The following MOK variants were observed in gnomAD, a reference collection of about 807,000 sequenced individuals.
The protein encoded by MOK is MOK protein kinase, also known as MAPK/MAK/MRK overlapping kinase.
In MOK, 59 loss-of-function variants were observed where a neutral mutation model predicts 54.2. The observed-to-expected ratio is 1.09, with a 90% confidence interval of 0.88 to 1.35. The LOEUF (loss-of-function observed/expected upper bound fraction) is 1.35. MOK is among the 40% of genes most tolerant of loss of function. The pLI is 0.00. For missense variants in MOK, 517 were observed against 526.2 expected (o/e 0.98, Z 0.17); for synonymous variants, 210 against 202.7 (o/e 1.04, Z -0.31).
chr14:102,280,637 A>G (rs993923885), intron 2 of MOK: 1 of 152,252 alleles, frequency 6.6e-6, no homozygotes, highest in East Asian at 1.9e-4. Context: ...CACATTTGCC[A>G]TGTGTCCCAC....
chr14:102,250,298 A>G (rs932785885), intron 7 of MOK, among the ~76,000 whole-genome samples: 1 of 151,764 alleles, frequency 6.6e-6, no homozygotes. Flanking sequence ...TTCACCTCGG[A>G]GTGGGACCGG....
Position 102,231,568 on chromosome 14 carries a change from ATGCT to A in MOK, c.981+135_981+138del. On this transcript the variant is annotated intron_variant, in intron 10 of 11. Coordinates refer to ENST00000361847, the MANE Select transcript of MOK (RefSeq NM_014226.3). This position sits in a 1 kb window ranked among gnomAD's most constrained non-coding sequence, Gnocchi z 4.4. ...CCAACACATGGAGCCATCAACTCGC[ATGCT>A]GTTCAGGCCTCGACTGACAATGTGG... is the stretch of plus-strand genomic sequence containing the variant. 1.5e-6 allele frequency: 1 copy of A among 687,886 alleles called. No homozygotes were observed. 42.6% of individuals were successfully genotyped at this position (687,886 alleles called of 1,614,324 possible).
Position 102,238,775 on chromosome 14 carries a change from C to T in MOK, c.591-4986G>A, listed in dbSNP as rs972563425. Among the ~76,000 whole-genome samples the T allele has an allele frequency of 7.9e-5, 12 of 152,254 alleles. No individual in the cohort carries two copies. The highest frequency in any genetic ancestry group is 1.5e-4 in the Non-Finnish European group (10 of 68,020). ...TGCATGTCCCCTATATCTCCTCCTCCGCCCATATTTCTTCTCCCCTCACCT... is the reference window on the plus strand; with the variant it reads ...TGCATGTCCCCTATATCTCCTCCTCTGCCCATATTTCTTCTCCCCTCACCT... On this transcript the variant is annotated intron_variant, in intron 7 of 11. Coordinates refer to ENST00000361847, the MANE Select transcript of MOK (RefSeq NM_014226.3). This position sits in a 1 kb window ranked among gnomAD's most constrained non-coding sequence, Gnocchi z 4.8.
chr14:102,274,868 A>G (rs1005416543), intron 2 of MOK, among the ~76,000 whole-genome samples: 3 of 150,902 alleles, frequency 2.0e-5, no homozygotes, highest in Non-Finnish European at 3.0e-5. Context: ...CCAGCTACTC[A>G]GGAGGCTGAG....
chr14:102,255,989 G>A (rs2153116959), intron 4 of MOK, among the ~76,000 whole-genome samples: 1 of 152,330 alleles, frequency 6.6e-6, no homozygotes, highest in South Asian at 2.1e-4. Flanking sequence ...ACTAACTGAA[G>A]GAATACAGCT....
Position 102,229,349 on chromosome 14 carries a change from G to T in MOK, c.1200C>A (p.Asp400Glu), listed in dbSNP as rs755989264. The change falls in exon 12 of 12, where the codon GAC becomes GAA. Residue 400 changes from aspartate to glutamate, a missense_variant. Transcript: ENST00000361847. ...GACACTGCTGCGGGGCAGGCTTAAG[G>T]TCCTTCTGCGGATCTGTCTGTCAAA... is the stretch of plus-strand genomic sequence containing the variant. ...PASKKTDPQK[D>E]LKPAPQQCRL... The T allele has an allele frequency of 2.5e-6, 4 of 1,614,200 alleles. No individual in the cohort carries two copies.
chr14:102,271,022 T>C (rs2068309426), intron 2 of MOK, among the ~76,000 whole-genome samples: 1 of 152,006 alleles, frequency 6.6e-6, no homozygotes, highest in African/African-American at 2.4e-5. Flanking sequence ...TGAAACCCCA[T>C]CTCTACTAAA....
At chr14:102,243,575 T>C (rs2065875072) in intron 7 of MOK, among the ~76,000 whole-genome samples, 1 of 152,194 alleles carries the variant, frequency 6.6e-6, no homozygotes, top group East Asian at 1.9e-4. Flanking sequence ...AAATCTATTT[T>C]CTTCCTCACA....
chr14:102,270,488 C>G (rs1398755645), intron 2 of MOK, among the ~76,000 whole-genome samples: 1 of 152,034 alleles, frequency 6.6e-6, no homozygotes, highest in Non-Finnish European at 1.5e-5. Flanking sequence ...GTAATTCCAG[C>G]TCCTCAGGAG....
At position 102,260,176 on chromosome 14, in the gene MOK, CA is replaced by C. The variant is rs770385409; in HGVS notation, c.283+3369del. 5.5e-3 allele frequency among the ~76,000 whole-genome samples: 416 copies of C among 76,266 alleles called. 1 individual carries two copies. Among genetic ancestry groups the C allele is most frequent in the Non-Finnish European group, 6.7e-3 (238 of 35,730 alleles). 50.0% of individuals were successfully genotyped at this position (76,266 alleles called of 152,430 possible). A position where few individuals can be genotyped will look rare whatever the true frequency, so the allele number is the denominator to read the frequency against. Reference sequence around the variant, plus strand: ...GGGCAAAAAGAGCAAAACTCCATCTCAAAAAAAAAAAAAAAAAAACTTAGCT... The same window carrying C: ...GGGCAAAAAGAGCAAAACTCCATCTCAAAAAAAAAAAAAAAAAACTTAGCT... On this transcript the variant is annotated intron_variant, in intron 4 of 11. Coordinates refer to ENST00000361847, the MANE Select transcript of MOK (RefSeq NM_014226.3).
chr14:102,230,757 TGAAG>T lies in MOK; in HGVS notation c.981+946_981+949del, dbSNP rs2064610967. 1 of 152,564 alleles carries T rather than the reference TGAAG, an allele frequency of 6.6e-6. No homozygotes were observed. The highest frequency in any genetic ancestry group is 6.5e-5 in the Admixed American group (1 of 15,292). The allele number at this position is 152,564 out of a possible 1,614,324, so 9.5% of individuals were successfully genotyped here. On this transcript the variant is annotated intron_variant, in intron 10 of 11. Transcript: ENST00000361847. The surrounding 1 kb of genome is among the most constrained non-coding windows in gnomAD (Gnocchi z 4.1). Reference sequence around the variant, plus strand: ...GCAAGAAGGCGAAGCCCCTGTGGGATGAAGGAAGGGTCCACGGGGGGCCTGGGCA... The same window carrying T: ...GCAAGAAGGCGAAGCCCCTGTGGGATGAAGGGTCCACGGGGGGCCTGGGCA...
chr14:102,261,396 AAAAAAAAAAAAAAAAAAAAAAAATAT>A (rs2067389350), intron 4 of MOK, among the ~76,000 whole-genome samples: 1 of 66,390 alleles, frequency 1.5e-5, no homozygotes, highest in Non-Finnish European at 2.8e-5. Context: ...AAAAAAAAAA[AAAAAAAAAAAAAAAAAAAAAAAATAT>A]ATATATATAT....
At chr14:102,247,764 TA>T (rs1284904776) in intron 7 of MOK, among the ~76,000 whole-genome samples, 1 of 152,218 alleles carries the variant, frequency 6.6e-6, no homozygotes, top group African/African-American at 2.4e-5. Context: ...GCTTTTATCG[TA>T]ACCAATCTGG....
chr14:102,243,536 C>T (rs764745679), intron 7 of MOK, among the ~76,000 whole-genome samples: 66 of 152,186 alleles, frequency 4.3e-4, no homozygotes, highest in Non-Finnish European at 5.7e-4. Context: ...CTATGCTCAA[C>T]TCACTCTCTA....
chr14:102,226,879 C>T (rs1325066930), downstream of MOK, among the ~76,000 whole-genome samples: 3 of 152,204 alleles, frequency 2.0e-5, no homozygotes, highest in African/African-American at 4.8e-5. The surrounding 1 kb of genome is among the most constrained non-coding windows in gnomAD (Gnocchi z 4.8). Context: ...CCCTGCTCAC[C>T]TCCAGCCTGG....
chr14:102,268,831 C>G (rs981868340), intron 2 of MOK, among the ~76,000 whole-genome samples: 1 of 151,210 alleles, frequency 6.6e-6, no homozygotes, highest in Admixed American at 6.6e-5. Flanking sequence ...AGGAGAATGG[C>G]GTAAACCTGG....
At chr14:102,243,817 T>C (rs1359013690) in intron 7 of MOK, among the ~76,000 whole-genome samples, 8 of 152,252 alleles carry the variant, frequency 5.3e-5, no homozygotes, top group African/African-American at 1.7e-4. Context: ...GGTTTATCCA[T>C]GGCAGTTCCA....
intron 2 of MOK, among the ~76,000 whole-genome samples, chr14:102,281,763 G>C (rs2069466834): frequency 6.6e-6 from 1 of 151,960 alleles, no homozygotes; most frequent in Non-Finnish European, 1.5e-5. Flanking sequence ...TTTAGATACG[G>C]GATAATCAGT....
In MOK at chr14:102,285,643, G is replaced by A. The variant is rs116010314; in HGVS notation, c.8-2051C>T. On this transcript the variant is annotated intron_variant, in intron 1 of 11. Transcript: ENST00000361847. ...TGGCCGGCTCACACCTGTAATCCCAGCACTTTGGGAGACCCAGGTCGGTGG... is the reference window on the plus strand; with the variant it reads ...TGGCCGGCTCACACCTGTAATCCCAACACTTTGGGAGACCCAGGTCGGTGG... 7.1e-3 allele frequency among the ~76,000 whole-genome samples: 1,074 copies of A among 152,292 alleles called. 15 individuals are homozygous for A. The highest frequency in any genetic ancestry group is 0.024 in the African/African-American group (1,012 of 41,560).
Sources: allele counts gnomAD v4.1 joint callset (sites outside exome capture counted in the v4.1 genomes callset), GRCh38; gene constraint gnomAD v4.1.1; non-coding constraint Gnocchi (gnomAD v3.1); transcripts MANE v1.5; gene names NCBI Gene and HGNC (gene_info 2026-07-23, HGNC 2026-07-21).